Variants in SRP68 observed in about 807,000 individuals in gnomAD.
SRP68 encodes the protein signal recognition particle subunit SRP68.
SRP68 carries 15 observed loss-of-function variants against 82.2 expected under a neutral mutation model. The ratio of observed to expected loss-of-function variants is 0.18; its 90% CI spans 0.12 to 0.28. The LOEUF (loss-of-function observed/expected upper bound fraction) is 0.28. SRP68 is among the 10% of genes least tolerant of loss of function. The pLI is 1.00. For missense variants in SRP68, 595 were observed against 780.5 expected (o/e 0.76, Z 2.83); for synonymous variants, 261 against 292.6 (o/e 0.89, Z 1.10).
intron 7 of SRP68, among the ~76,000 whole-genome samples, chr17:76,058,342 A>C (rs1223506142): frequency 9.2e-5 from 14 of 151,772 alleles, no homozygotes; most frequent in Non-Finnish European, 1.6e-4. Context: ...ACTGGTCTCG[A>C]ACTCCTGACC....
intron 14 of SRP68, 94 bp from the exon 15 acceptor site, chr17:76,040,568 A>C: frequency 8.0e-7 from 1 of 1,251,710 alleles, no homozygotes; most frequent in South Asian, 1.2e-5. Flanking sequence ...CCTACATCCC[A>C]AAAGCAAAAG....
intron 13 of SRP68, 90 bp downstream of exon 13, chr17:76,043,739 T>G: frequency 7.1e-7 from 1 of 1,409,350 alleles, no homozygotes; most frequent in South Asian, 1.5e-5. Context: ...CAGCCTGAGG[T>G]GGCGCCCAGC....
intron 4 of SRP68, among the ~76,000 whole-genome samples, chr17:76,062,916 G>A (rs1389416810): frequency 3.6e-4 from 54 of 148,238 alleles, no homozygotes; most frequent in Middle Eastern, 3.4e-3. Flanking sequence ...GACTACAGGT[G>A]TCCGCCACTA....
At position 76,046,108 on chromosome 17, in the gene SRP68, T is replaced by G. The variant is rs759551219; in HGVS notation, c.1229A>C (p.Gln410Pro). 1.9e-6 allele frequency: 3 copies of G among 1,613,936 alleles called. No individual in the cohort carries two copies. Reference sequence around the variant, plus strand: ...TGAGCGCTTGCTGTCATCCTCTGGCTGCTGCTGCAGCAGAGCCCTCTGCAG... The same window carrying G: ...TGAGCGCTTGCTGTCATCCTCTGGCGGCTGCTGCAGCAGAGCCCTCTGCAG... ...KGLQRALLQQ[Q>P]PEDDSKRSPR... Residue 410 changes from glutamine to proline, a missense_variant, in exon 11 of 16, where the codon CAG (glutamine) becomes CCG (proline). By Grantham distance (76) the Gln-to-Pro change is moderately conservative. Around this residue, in one of 2 missense-constraint regions of SRP68, gnomAD observed 495 missense variants for 688.6 expected, o/e 0.72. Coordinates refer to ENST00000307877, the MANE Select transcript of SRP68 (RefSeq NM_014230.4).
chr17:76,057,563 A>G lies in SRP68; in HGVS notation c.838-20T>C. 6.2e-7 allele frequency: 1 copy of G among 1,613,872 alleles called. No homozygotes were observed. The highest frequency in any genetic ancestry group is 8.5e-7 in the Non-Finnish European group (1 of 1,179,804). ...CAAAGCCTGAAAAATAGTTTAAAAA[A>G]GTTAAAGCTTTAACTGGGGATATGA... On this transcript the variant is annotated intron_variant, in intron 7 of 15. Coordinates refer to ENST00000307877, the MANE Select transcript of SRP68 (RefSeq NM_014230.4).
chr17:76,062,566 T>TTATATAA (rs1366577878), intron 4 of SRP68, among the ~76,000 whole-genome samples: 3 of 40,700 alleles, frequency 7.4e-5, no homozygotes, highest in Non-Finnish European at 1.2e-4. Flanking sequence ...ACATTATATA[T>TTATATAA]TATATAATAT....
intron 7 of SRP68, 46 bp downstream of exon 7, chr17:76,060,262 G>A (rs756252731): frequency 1.5e-6 from 2 of 1,329,356 alleles, no homozygotes; most frequent in South Asian, 1.2e-5. Flanking sequence ...TACTCCTTCT[G>A]GACTTTGTCC....
Position 76,039,185 on chromosome 17 carries a change from C to CT in SRP68, c.*520dup, listed in dbSNP as rs2066569791. The CT allele has an allele frequency of 2.9e-6, 1 of 348,948 alleles. No individual in the cohort carries two copies. The highest frequency in any genetic ancestry group is 5.8e-6 in the Non-Finnish European group (1 of 172,814). 21.6% of individuals were successfully genotyped at this position (348,948 alleles called of 1,614,324 possible). A position where few individuals can be genotyped will look rare whatever the true frequency, so the allele number is the denominator to read the frequency against. On this transcript the variant is annotated 3_prime_UTR_variant, in exon 16 of 16. Transcript: ENST00000307877. ...ATATTTCTTCTAAAAATAGAGCTCT[C>CT]TGCTTGTCTGAAACTTCTTAGCGTT...
rs757052173 is a variant in SRP68, at chr17:76,072,455, C to CACT, written c.36_37insAGT (p.Gly12_Gly13insSer). 16 of 1,581,556 alleles carry CACT rather than the reference C, an allele frequency of 1.0e-5. No individual in the cohort carries two copies. Among genetic ancestry groups the CACT allele is most frequent in the Admixed American group, 1.8e-5 (1 of 56,842 alleles). ...CCACCGCCGCCGCCACTGCCGCCGCCGCCGCCGCCGCCTGGGACCTGCTTC... is the reference window on the plus strand; with the variant it reads ...CCACCGCCGCCGCCACTGCCGCCGCCACTGCCGCCGCCGCCTGGGACCTGCTTC... On this transcript the variant is annotated inframe_insertion, in exon 1 of 16. Coordinates refer to ENST00000307877, the MANE Select transcript of SRP68 (RefSeq NM_014230.4). The surrounding 1 kb of genome is among the most constrained non-coding windows in gnomAD (Gnocchi z 4.5).
intron 4 of SRP68, among the ~76,000 whole-genome samples, chr17:76,062,840 A>G (rs1329974335): frequency 4.4e-5 from 6 of 137,636 alleles, no homozygotes; most frequent in South Asian, 2.2e-4. Context: ...GCACAATCTC[A>G]GCTCACTGCA....
rs149195459 is a variant in SRP68, at chr17:76,039,087, T to C, written c.*619A>G. The stretch of plus-strand genomic sequence containing the variant: ...GGGACTGGACATGAGGGAGGGCATA[T>C]AAGAAATGGGCACAGTCTCCGTCAT... On this transcript the variant is annotated 3_prime_UTR_variant, in exon 16 of 16. Coordinates refer to ENST00000307877, the MANE Select transcript of SRP68 (RefSeq NM_014230.4). 399 of 309,880 alleles carry C rather than the reference T, an allele frequency of 1.3e-3. 4 individuals are homozygous for C. The highest frequency in any genetic ancestry group is 7.9e-3 in the African/African-American group (367 of 46,296). The allele number at this position is 309,880 out of a possible 1,614,324, so 19.2% of individuals were successfully genotyped here. A position where few individuals can be genotyped will look rare whatever the true frequency, so the allele number is the denominator to read the frequency against.
chr17:76,055,584 T>C (rs2066707346), intron 8 of SRP68, among the ~76,000 whole-genome samples: 1 of 151,394 alleles, frequency 6.6e-6, no homozygotes, highest in Non-Finnish European at 1.5e-5. Context: ...TGAAACCCCG[T>C]CTCTACTAAA....
At chr17:76,045,037 C>T (rs2066619431) in intron 12 of SRP68, 2 of 337,390 alleles carry the variant, frequency 5.9e-6, no homozygotes, top group Non-Finnish European at 1.1e-5. Flanking sequence ...CCACCGCGCC[C>T]AGCGAGGAAG....
At chr17:76,061,284 G>A in intron 5 of SRP68, 65 bp from the exon 6 acceptor site, 1 of 1,199,606 alleles carries the variant, frequency 8.3e-7, no homozygotes. Context: ...GGGGAACACA[G>A]TGACTAAAAA....
chr17:76,046,921 A>T (rs909450387), intron 10 of SRP68, among the ~76,000 whole-genome samples: 2 of 152,296 alleles, frequency 1.3e-5, no homozygotes, highest in Non-Finnish European at 2.9e-5. Flanking sequence ...AGCCTGGGCG[A>T]CAGAGCGAGA....
At position 76,045,983 on chromosome 17, in the gene SRP68, C is replaced by T. The variant is rs947197223; in HGVS notation, c.1299+55G>A. ...ATACAAAGTTAAGTCACTTTGTGTCCGACACAGGCAAAGGAAAACCACAGG... is the reference window on the plus strand; with the variant it reads ...ATACAAAGTTAAGTCACTTTGTGTCTGACACAGGCAAAGGAAAACCACAGG... On this transcript the variant is annotated intron_variant, in intron 11 of 15. Transcript: ENST00000307877. 27 of 1,605,364 alleles carry T rather than the reference C, an allele frequency of 1.7e-5. No individual in the cohort carries two copies. The African/African-American group carries it at 2.1e-4, about 13-fold the overall frequency.
At chr17:76,050,029 C>T (rs902481215) in intron 9 of SRP68, among the ~76,000 whole-genome samples, 2 of 152,156 alleles carry the variant, frequency 1.3e-5, no homozygotes, top group Non-Finnish European at 2.9e-5. Flanking sequence ...AGGCAAGAGG[C>T]CCTGCAAAGG....
chr17:76,061,658 G>C (rs1169437996), intron 4 of SRP68, 84 bp from the exon 5 acceptor site: 6 of 1,177,610 alleles, frequency 5.1e-6, no homozygotes, highest in Non-Finnish European at 7.5e-6. Context: ...TTCTAACTTT[G>C]ATATCAAGAA....
chr17:76,046,135 C>A lies in SRP68; in HGVS notation c.1202G>T (p.Gly401Val). The A allele has an allele frequency of 6.2e-7, 1 of 1,613,906 alleles. No homozygotes were observed. Among genetic ancestry groups the A allele is most frequent in the Admixed American group, 1.7e-5 (1 of 59,994 alleles). Reference sequence around the variant, plus strand: ...CTGCTGCAGCAGAGCCCTCTGCAGACCTTTGGCCATGTTCTCATTACGCTT... The same window carrying A: ...CTGCTGCAGCAGAGCCCTCTGCAGAACTTTGGCCATGTTCTCATTACGCTT... The part of the protein sequence containing the change: ...AIKRNENMAK[G>V]LQRALLQQQP... Residue 401 changes from glycine (G) to valine (V), a missense_variant, in exon 11 of 16, where the codon GGT becomes GTT. Gly to Val is a moderately radical substitution (Grantham distance 109). Coordinates refer to ENST00000307877, the MANE Select transcript of SRP68 (RefSeq NM_014230.4).
Sources: allele counts gnomAD v4.1 joint callset (sites outside exome capture counted in the v4.1 genomes callset), GRCh38; gene constraint gnomAD v4.1.1; regional missense constraint gnomAD v4.1.1; non-coding constraint Gnocchi (gnomAD v3.1); transcripts MANE v1.5; gene names NCBI Gene and HGNC (gene_info 2026-07-23, HGNC 2026-07-21).